The following JAZF1 variants were observed in gnomAD, a reference collection of about 807,000 sequenced individuals.
JAZF1 encodes the protein juxtaposed with another zinc finger protein 1.
In JAZF1, 8 loss-of-function variants were observed where a neutral mutation model predicts 26.4. The ratio of observed to expected loss-of-function variants is 0.30; its 90% CI spans 0.18 to 0.55. The LOEUF is 0.55. JAZF1 is among the 20% of genes least tolerant of loss of function. The pLI, the probability that JAZF1 is intolerant of heterozygous loss-of-function variation, is 0.94. For missense variants in JAZF1, 199 were observed against 322.0 expected, an observed-to-expected ratio of 0.62 and a Z score of 2.92; for synonymous variants, 126 against 122.3, an observed-to-expected ratio of 1.03 and a Z score of -0.20.
intron 1 of JAZF1, among the ~76,000 whole-genome samples, chr7:28,049,996 G>A (rs1221016774): frequency 1.3e-5 from 2 of 152,046 alleles, no homozygotes; most frequent in African/African-American, 4.8e-5. Context: ...GCTGGCAGGT[G>A]CGGCTGAAAG....
In JAZF1 at chr7:28,167,652, T is replaced by C. The variant is rs991011057; in HGVS notation, c.115+12811A>G. 8.5e-5 allele frequency among the ~76,000 whole-genome samples: 13 copies of C among 152,350 alleles called. No individual in the cohort carries two copies. The South Asian group carries it at 1.9e-3, about 22-fold the overall frequency. On this transcript the variant is annotated intron_variant, in intron 1 of 4. Transcript: ENST00000283928. ...CTCAATTCACCTGCAAAAGGGTTTT[T>C]GCCACAATAAAAACACTCTGGAGAG...
intron 2 of JAZF1, among the ~76,000 whole-genome samples, chr7:27,987,074 CA>C (rs1475247144): frequency 3.3e-5 from 5 of 152,226 alleles, no homozygotes; most frequent in African/African-American, 1.2e-4. Context: ...GCCCGGCCGC[CA>C]CCCCATCTGG....
At chr7:28,166,311 T>C (rs1243022308) in intron 1 of JAZF1, among the ~76,000 whole-genome samples, 2 of 152,230 alleles carry the variant, frequency 1.3e-5, no homozygotes, top group Non-Finnish European at 2.9e-5. Context: ...ACAACTCATA[T>C]ATTGCTGTGC....
chr7:27,966,333 A>C (rs931745627), intron 2 of JAZF1, among the ~76,000 whole-genome samples: 3 of 152,160 alleles, frequency 2.0e-5, no homozygotes, highest in African/African-American at 7.2e-5. Context: ...GCCTTACATG[A>C]TTTATAGCAT....
intron 1 of JAZF1, among the ~76,000 whole-genome samples, chr7:28,057,957 G>C (rs1783739164): frequency 6.6e-6 from 1 of 152,062 alleles, no homozygotes; most frequent in African/African-American, 2.4e-5. Flanking sequence ...TCCAGTTCTT[G>C]TTTCATTATA....
intron 1 of JAZF1, among the ~76,000 whole-genome samples, chr7:28,077,065 T>C (rs1784063029): frequency 6.6e-6 from 1 of 152,292 alleles, no homozygotes; most frequent in East Asian, 1.9e-4. Flanking sequence ...AAATAAATAT[T>C]TGTATTCTTT....
At chr7:27,955,404 C>T (rs1393512806) in intron 2 of JAZF1, among the ~76,000 whole-genome samples, 1 of 152,122 alleles carries the variant, frequency 6.6e-6, no homozygotes, top group Admixed American at 6.5e-5. Context: ...GATTTGTTTC[C>T]CTTAAACACT....
chr7:27,945,045 C>G (rs1784904763), intron 2 of JAZF1, among the ~76,000 whole-genome samples: 1 of 152,132 alleles, frequency 6.6e-6, no homozygotes, highest in South Asian at 2.1e-4. Context: ...ATCACAAGAC[C>G]CACAGGAAAA....
intron 2 of JAZF1, among the ~76,000 whole-genome samples, chr7:27,958,154 A>G (rs1243843137): frequency 6.6e-6 from 1 of 152,230 alleles, no homozygotes; most frequent in African/African-American, 2.4e-5. Context: ...AATGGTATAA[A>G]GGCATATGTA....
intron 2 of JAZF1, among the ~76,000 whole-genome samples, chr7:27,922,426 T>C (rs1784544773): frequency 6.6e-6 from 1 of 152,032 alleles, no homozygotes; most frequent in South Asian, 2.1e-4. Context: ...TTTTTTGTAT[T>C]TTAGTAGAGA....
At position 27,840,985 on chromosome 7, in the gene JAZF1, G is replaced by T; in HGVS notation, c.386-118C>A. 9.8e-7 allele frequency: 1 copy of T among 1,016,170 alleles called. No individual in the cohort carries two copies. The highest frequency in any genetic ancestry group is 1.5e-6 in the Non-Finnish European group (1 of 686,962). The allele number at this position is 1,016,170 out of a possible 1,614,324, so 62.9% of individuals were successfully genotyped here. On this transcript the variant is annotated intron_variant, in intron 3 of 4. Coordinates refer to ENST00000283928, the MANE Select transcript of JAZF1 (RefSeq NM_175061.4). This position sits in a 1 kb window ranked among gnomAD's most constrained non-coding sequence, Gnocchi z 5.1. The stretch of plus-strand genomic sequence containing the variant: ...CAGAGCAGCGCTGACGGCCCAGGGA[G>T]AGGGCACTCCCGGCACCAGGGGACT...
intron 2 of JAZF1, among the ~76,000 whole-genome samples, chr7:27,923,864 G>A (rs1479653907): frequency 6.6e-6 from 1 of 152,216 alleles, no homozygotes; most frequent in Non-Finnish European, 1.5e-5. Flanking sequence ...GATGTAAAAT[G>A]CAACCCATCT....
At chr7:27,902,149 A>T (rs1306951720) in intron 2 of JAZF1, among the ~76,000 whole-genome samples, 2 of 152,232 alleles carry the variant, frequency 1.3e-5, no homozygotes, top group African/African-American at 4.8e-5. Flanking sequence ...TCACTGTATA[A>T]ATATTAATGT....
chr7:27,854,386 T>A (rs1170733152), intron 3 of JAZF1, among the ~76,000 whole-genome samples: 1 of 152,248 alleles, frequency 6.6e-6, no homozygotes, highest in Non-Finnish European at 1.5e-5. Context: ...TTAATATTGT[T>A]ATGTATGAAT....
At chr7:27,898,064 T>C (rs1784101126) in intron 2 of JAZF1, among the ~76,000 whole-genome samples, 1 of 152,178 alleles carries the variant, frequency 6.6e-6, no homozygotes, top group South Asian at 2.1e-4. Context: ...TATATCGTTA[T>C]GTCTCTATAT....
At chr7:28,152,174 T>C (rs12055996) in intron 1 of JAZF1, among the ~76,000 whole-genome samples, 16,280 of 152,240 alleles carry the variant, frequency 0.11, 1,407 homozygotes, top group East Asian at 0.47. Context: ...CAACTACTAC[T>C]ACAGGTCAGC....
intron 3 of JAZF1, among the ~76,000 whole-genome samples, chr7:27,845,696 C>CAAA (rs796643520): frequency 3.9e-5 from 2 of 51,128 alleles, no homozygotes; most frequent in Non-Finnish European, 7.5e-5. Context: ...GACTCTGCCT[C>CAAA]AAAAAAAAAA....
chr7:27,889,563 GAAGA>G (rs1288984289), intron 3 of JAZF1, among the ~76,000 whole-genome samples: 2 of 152,132 alleles, frequency 1.3e-5, no homozygotes, highest in African/African-American at 4.8e-5. Flanking sequence ...AAAAGAAAAA[GAAGA>G]AAATAATATT....
chr7:28,158,168 A>AAC (rs759047365), intron 1 of JAZF1, among the ~76,000 whole-genome samples: 2,156 of 142,418 alleles, frequency 0.015, 22 homozygotes, highest in African/African-American at 0.022. Context: ...CACACACACA[A>AAC]ACACACACAC....
Sources: allele counts gnomAD v4.1 joint callset (sites outside exome capture counted in the v4.1 genomes callset), GRCh38; gene constraint gnomAD v4.1.1; non-coding constraint Gnocchi (gnomAD v3.1); transcripts MANE v1.5; gene names NCBI Gene and HGNC (gene_info 2026-07-23, HGNC 2026-07-21).